MAP4K3: variants seen among roughly 807,000 people sequenced by gnomAD.
MAP4K3 encodes the protein mitogen-activated protein kinase kinase kinase kinase 3, also known as MAPK/ERK kinase kinase kinase 3.
A neutral mutation model predicts 143.5 loss-of-function variants in MAP4K3; 94 were observed. The ratio of observed to expected loss-of-function variants is 0.65; its 90% CI spans 0.55 to 0.78. MAP4K3 has a LOEUF of 0.78. Among genes scored for constraint, MAP4K3 ranks in the 30% least tolerant of loss-of-function variants. The probability of loss-of-function intolerance (pLI) is 0.00; values close to 1 mark genes in which losing one functional copy is unlikely to be tolerated. For synonymous variants in MAP4K3, 416 were observed against 347.2 expected, an observed-to-expected ratio of 1.20 and a Z score of -2.20; for missense variants, 1,077 against 1,068.1, an observed-to-expected ratio of 1.01 and a Z score of -0.12.
At chr2:39,267,342 A>G (rs1196860067) in intron 26 of MAP4K3, 95 bp from the exon 27 acceptor site, 1 of 914,978 alleles carries the variant, frequency 1.1e-6, no homozygotes, top group Non-Finnish European at 1.8e-6. Context: ...GGATGAGTTC[A>G]AAACTGGTGC....
intron 18 of MAP4K3, among the ~76,000 whole-genome samples, chr2:39,291,178 A>G (rs1682031462): frequency 6.6e-6 from 1 of 152,260 alleles, no homozygotes; most frequent in Non-Finnish European, 1.5e-5. Flanking sequence ...GATGATGGAT[A>G]TGCTAATTAC....
chr2:39,332,887 T>C (rs1435299369), intron 7 of MAP4K3, among the ~76,000 whole-genome samples: 2 of 152,088 alleles, frequency 1.3e-5, no homozygotes, highest in East Asian at 1.9e-4. Context: ...TTTGGGTTTA[T>C]CTAATAGATA....
At chr2:39,420,273 A>G (rs1393290537) in intron 1 of MAP4K3, among the ~76,000 whole-genome samples, 1 of 152,244 alleles carries the variant, frequency 6.6e-6, no homozygotes, top group African/African-American at 2.4e-5. Context: ...TTAGTAACTT[A>G]TAATACTTAA....
Position 39,280,277 on chromosome 2 carries a change from G to C in MAP4K3, c.1709C>G (p.Thr570Arg). 1 of 1,565,956 alleles carries C rather than the reference G, an allele frequency of 6.4e-7. No individual in the cohort carries two copies. The highest frequency in any genetic ancestry group is 8.7e-7 in the Non-Finnish European group (1 of 1,150,588). The change falls in exon 23 of 34, where the codon ACA (threonine) becomes AGA (arginine). Residue 570 changes from threonine (T) to arginine (R), a missense_variant. Physicochemically the swap from Thr to Arg is moderately conservative, Grantham distance 71 (BLOSUM62 -1). This residue lies in a region of MAP4K3 where 864 missense variants were observed against 801.2 expected (regional missense o/e 1.08). Transcript: ENST00000263881. ...HCASSWINPD[T>R]RDQYLIFGAE... The stretch of plus-strand genomic sequence containing the variant: ...ATAAAAACACACAATACTACCTCTT[G>C]TATCTGGGTTTATCCATGATGATGC...
At chr2:39,396,478 A>ATT (rs1056811510) in intron 1 of MAP4K3, among the ~76,000 whole-genome samples, 37 of 138,130 alleles carry the variant, frequency 2.7e-4, no homozygotes, top group Non-Finnish European at 3.0e-4. Flanking sequence ...CAAGCCCCCA[A>ATT]TTTTTTTTTT....
At chr2:39,259,792 T>A (rs1469460667) in intron 29 of MAP4K3, among the ~76,000 whole-genome samples, 1 of 152,200 alleles carries the variant, frequency 6.6e-6, no homozygotes, top group African/African-American at 2.4e-5. Context: ...AAAAGTGCCT[T>A]AATTGGCATT....
chr2:39,391,092 A>G (rs1031012667), intron 1 of MAP4K3, among the ~76,000 whole-genome samples: 3 of 152,000 alleles, frequency 2.0e-5, no homozygotes, highest in Admixed American at 6.6e-5. Context: ...GCGGTGGCTC[A>G]AGCCTGTAAT....
At chr2:39,383,316 G>C (rs970884580) in intron 1 of MAP4K3, among the ~76,000 whole-genome samples, 2 of 152,124 alleles carry the variant, frequency 1.3e-5, no homozygotes, top group African/African-American at 2.4e-5. Context: ...GGAATGAAAA[G>C]TGCCAAGCAA....
chr2:39,270,631 C>A (rs189240405), intron 26 of MAP4K3, among the ~76,000 whole-genome samples: 1 of 152,058 alleles, frequency 6.6e-6, no homozygotes, highest in Non-Finnish European at 1.5e-5. Flanking sequence ...AGGTCCCATA[C>A]CTAGTAAGTA....
chr2:39,429,775 A>G (rs1267849441), intron 1 of MAP4K3, among the ~76,000 whole-genome samples: 1 of 152,236 alleles, frequency 6.6e-6, no homozygotes, highest in Non-Finnish European at 1.5e-5. Flanking sequence ...TTGAAAAGGT[A>G]GAACAGAATT....
intron 1 of MAP4K3, among the ~76,000 whole-genome samples, chr2:39,403,862 T>A (rs1667020331): frequency 1.3e-5 from 2 of 150,626 alleles, no homozygotes; most frequent in Non-Finnish European, 3.0e-5. Flanking sequence ...TGAAGAGGAC[T>A]CTAACCTGCA....
chr2:39,402,429 G>A (rs1300418671), intron 1 of MAP4K3, among the ~76,000 whole-genome samples: 2 of 151,988 alleles, frequency 1.3e-5, no homozygotes, highest in South Asian at 4.1e-4. Context: ...GAAATGAGCA[G>A]AAAGCTACAT....
At chr2:39,396,764 C>T (rs528662558) in intron 1 of MAP4K3, among the ~76,000 whole-genome samples, 14 of 152,250 alleles carry the variant, frequency 9.2e-5, no homozygotes, top group Non-Finnish European at 1.8e-4. Flanking sequence ...TGAGCCACCG[C>T]GCCCAGCCCC....
chr2:39,307,934 G>A lies in MAP4K3; in HGVS notation c.1119+9C>T, dbSNP rs1339987997. ...ATGCTGACAAAGAAAATCAGAAGAT[G>A]AGAAATACCAGATTAGATCTTGCAG... is the stretch of plus-strand genomic sequence containing the variant. On this transcript the variant is annotated intron_variant, in intron 15 of 33. Transcript: ENST00000263881. 2.0e-6 allele frequency: 3 copies of A among 1,527,102 alleles called. No homozygotes were observed. The highest frequency in any genetic ancestry group is 2.6e-6 in the Non-Finnish European group (3 of 1,135,856). 94.6% of individuals were successfully genotyped at this position (1,527,102 alleles called of 1,614,324 possible). A position where few individuals can be genotyped will look rare whatever the true frequency, so the allele number is the denominator to read the frequency against.
intron 27 of MAP4K3, among the ~76,000 whole-genome samples, chr2:39,266,776 T>C (rs1238910305): frequency 1.3e-5 from 2 of 152,050 alleles, no homozygotes; most frequent in Admixed American, 1.3e-4. Flanking sequence ...GGGGGAGGAA[T>C]TTAGGTGAGA....
chr2:39,349,790 T>C (rs1665398959), intron 3 of MAP4K3, among the ~76,000 whole-genome samples: 1 of 152,102 alleles, frequency 6.6e-6, no homozygotes, highest in East Asian at 1.9e-4. Context: ...AAAGAAGAAA[T>C]AAAACTTCTA....
At chr2:39,392,183 C>CAAAA (rs3086434) in intron 1 of MAP4K3, among the ~76,000 whole-genome samples, 3,507 of 65,912 alleles carry the variant, frequency 0.053, 376 homozygotes, top group Admixed American at 0.059. Flanking sequence ...CACTCCTACT[C>CAAAA]AAAAAAAAAA....
At chr2:39,260,008 T>C (rs1209913351) in intron 29 of MAP4K3, among the ~76,000 whole-genome samples, 2 of 152,216 alleles carry the variant, frequency 1.3e-5, no homozygotes, top group South Asian at 2.1e-4. Flanking sequence ...CAAATATACA[T>C]ACCAATAATA....
In MAP4K3 at chr2:39,362,726, C is replaced by T. The variant is rs993223077; in HGVS notation, c.155-6387G>A. Among the ~76,000 whole-genome samples the T allele has an allele frequency of 6.6e-5, 10 of 152,212 alleles. No individual in the cohort carries two copies. The South Asian group carries it at 1.2e-3, about 19-fold the overall frequency. On this transcript the variant is annotated intron_variant, in intron 2 of 33. Coordinates refer to ENST00000263881, the MANE Select transcript of MAP4K3 (RefSeq NM_003618.4). ...AAAATTTAGATAGAACCACAAAGAA[C>T]GCCAAATAGCCAAAACAATCTTGAG...
Sources: gnomAD v4.1 joint callset for allele counts (sites outside exome capture counted in the v4.1 genomes callset) on GRCh38, gnomAD v4.1.1 for gene constraint, gnomAD v4.1.1 regional missense constraint, MANE v1.5 for transcripts, NCBI Gene and HGNC (gene_info 2026-07-23, HGNC 2026-07-21) for gene names.